Variants in PPA2 observed in about 807,000 individuals in gnomAD.
The protein encoded by PPA2 is inorganic pyrophosphatase 2, mitochondrial.
PPA2 carries 48 observed loss-of-function variants against 49.5 expected under a neutral mutation model. That is an observed-to-expected ratio of 0.97 (90% CI 0.77 to 1.23). The LOEUF (loss-of-function observed/expected upper bound fraction) is 1.23. PPA2 is among the 50% of genes most tolerant of loss of function. PPA2 has a pLI of 0.00. For synonymous variants in PPA2, 131 were observed against 139.9 expected (o/e 0.94, Z 0.45); for missense variants, 429 against 410.1 (o/e 1.05, Z -0.40).
At chr4:105,412,709 G>A (rs529712315) in intron 7 of PPA2, among the ~76,000 whole-genome samples, 1 of 152,312 alleles carries the variant, frequency 6.6e-6, no homozygotes, top group South Asian at 2.1e-4. Context: ...AGACATGTAT[G>A]CAGCCAACAG....
intron 6 of PPA2, among the ~76,000 whole-genome samples, chr4:105,434,560 T>C (rs1338362250): frequency 3.3e-5 from 5 of 152,154 alleles, no homozygotes. Context: ...GTAATATCAA[T>C]AGTGTCAAAG....
intron 6 of PPA2, among the ~76,000 whole-genome samples, chr4:105,428,352 T>C (rs1723624970): frequency 1.3e-5 from 2 of 152,106 alleles, no homozygotes; most frequent in South Asian, 4.1e-4. Context: ...CATAACAATA[T>C]TAATCTTAAC....
At chr4:105,378,128 T>C (rs1200150141) in intron 10 of PPA2, among the ~76,000 whole-genome samples, 1 of 152,176 alleles carries the variant, frequency 6.6e-6, no homozygotes, top group Non-Finnish European at 1.5e-5. Context: ...ACCAAAATGT[T>C]TTCCAGATGG....
intron 6 of PPA2, among the ~76,000 whole-genome samples, chr4:105,437,149 C>A (rs1724097428): frequency 6.6e-6 from 1 of 151,848 alleles, no homozygotes; most frequent in South Asian, 2.1e-4. Flanking sequence ...CAACATTTCT[C>A]AAAAAAAGAA....
intron 5 of PPA2, among the ~76,000 whole-genome samples, chr4:105,445,744 AAAT>A (rs1330640989): frequency 6.6e-6 from 1 of 152,124 alleles, no homozygotes; most frequent in Non-Finnish European, 1.5e-5. Flanking sequence ...TTTACTCACT[AAAT>A]AATCTGGAAG....
Position 105,460,856 on chromosome 4 carries a change from C to CATATATATATATATATATATATAT in PPA2, c.158-4112_158-4111insATATATATATATATATATATATAT, listed in dbSNP as rs1491341057. Reference sequence around the variant, plus strand: ...CCCAATACTTATTAAGATGTAAGATCACATATATATATAGTTTTCTAATTG... The same window carrying CATATATATATATATATATATATAT: ...CCCAATACTTATTAAGATGTAAGATCATATATATATATATATATATATATACATATATATATAGTTTTCTAATTG... On this transcript the variant is annotated intron_variant, in intron 1 of 11. Transcript: ENST00000341695. Among the ~76,000 whole-genome samples the CATATATATATATATATATATATAT allele has an allele frequency of 6.5e-3, 900 of 139,008 alleles. 24 individuals carry two copies. Among genetic ancestry groups the CATATATATATATATATATATATAT allele is most frequent in the African/African-American group, 0.027 (830 of 30,518 alleles). The allele number at this position is 139,008 out of a possible 152,430, so 91.2% of individuals were successfully genotyped here.
chr4:105,419,450 T>C (rs1006367534), intron 7 of PPA2, among the ~76,000 whole-genome samples: 2 of 152,218 alleles, frequency 1.3e-5, no homozygotes, highest in Non-Finnish European at 2.9e-5. Context: ...ACCAATTTTG[T>C]ATCAAGGAAT....
chr4:105,453,918 C>T (rs1722769985), intron 2 of PPA2: 1 of 282,880 alleles, frequency 3.5e-6, no homozygotes, highest in Non-Finnish European at 6.6e-6. Flanking sequence ...AGCAAAGGCT[C>T]TGTTCAGTCT....
At chr4:105,422,269 G>A (rs983205016) in intron 7 of PPA2, among the ~76,000 whole-genome samples, 1 of 152,108 alleles carries the variant, frequency 6.6e-6, no homozygotes, top group East Asian at 1.9e-4. Flanking sequence ...AATGATAAAT[G>A]TATTGGTGTT....
chr4:105,473,792 G>A (rs1361949303), intron 1 of PPA2, 102 bp downstream of exon 1: 8 of 1,498,252 alleles, frequency 5.3e-6, no homozygotes, highest in Non-Finnish European at 7.3e-6. Flanking sequence ...GCCCCAAAAA[G>A]AGAGAAGGGA....
chr4:105,467,187 C>G (rs1402493929), intron 1 of PPA2, among the ~76,000 whole-genome samples: 5 of 152,194 alleles, frequency 3.3e-5, no homozygotes, highest in Admixed American at 2.6e-4. Context: ...GACTAGCTAC[C>G]TACTGTAACA....
chr4:105,416,781 A>G (rs902392350), intron 7 of PPA2, among the ~76,000 whole-genome samples: 8 of 152,238 alleles, frequency 5.3e-5, no homozygotes, highest in African/African-American at 1.9e-4. Context: ...GGGCTAATGA[A>G]GAGTATCTTT....
intron 1 of PPA2, among the ~76,000 whole-genome samples, chr4:105,470,018 G>A (rs925143029): frequency 1.3e-5 from 2 of 152,250 alleles, no homozygotes; most frequent in East Asian, 3.9e-4. Context: ...GAACTGCTTG[G>A]TTCATTCCCA....
intron 1 of PPA2, among the ~76,000 whole-genome samples, chr4:105,456,982 G>A (rs879565751): frequency 3.3e-5 from 5 of 152,110 alleles, no homozygotes; most frequent in Non-Finnish European, 7.4e-5. Context: ...ACTTATCCCT[G>A]TGGCTTAAAA....
intron 1 of PPA2, among the ~76,000 whole-genome samples, chr4:105,460,561 G>A (rs747589617): frequency 1.3e-5 from 2 of 151,930 alleles, no homozygotes; most frequent in East Asian, 1.9e-4. Context: ...AAGTAAAAAA[G>A]GTAGAATTCT....
chr4:105,462,027 T>C (rs935236633), intron 1 of PPA2, among the ~76,000 whole-genome samples: 1 of 152,242 alleles, frequency 6.6e-6, no homozygotes, highest in African/African-American at 2.4e-5. Flanking sequence ...TAAAGGGTAT[T>C]AAAATTCTCT....
At chr4:105,456,606 A>C (rs553713567) in intron 2 of PPA2, 75 bp downstream of exon 2, 16 of 1,250,758 alleles carry the variant, frequency 1.3e-5, no homozygotes, top group Non-Finnish European at 1.8e-5. Context: ...TTTCCTTTCA[A>C]GGTGCTTCCA....
intron 6 of PPA2, among the ~76,000 whole-genome samples, chr4:105,424,537 T>C (rs1723402466): frequency 6.6e-6 from 1 of 152,164 alleles, no homozygotes; most frequent in African/African-American, 2.4e-5. Context: ...CTGAATTATT[T>C]TACAGATAAA....
chr4:105,422,358 T>C (rs1723289014), intron 7 of PPA2, among the ~76,000 whole-genome samples: 1 of 152,196 alleles, frequency 6.6e-6, no homozygotes, highest in South Asian at 2.1e-4. Context: ...GGCTTTAGTG[T>C]TTCTGCATAT....
Sources: allele counts gnomAD v4.1 joint callset (sites outside exome capture counted in the v4.1 genomes callset), GRCh38; gene constraint gnomAD v4.1.1; transcripts MANE v1.5; gene names NCBI Gene and HGNC (gene_info 2026-07-23, HGNC 2026-07-21).